Variants in CREB5 observed in about 807,000 individuals in gnomAD.
CREB5 encodes cyclic AMP-responsive element-binding protein 5.
Under a neutral mutation model 57.1 loss-of-function variants are expected in CREB5, and 19 were observed. That is an observed-to-expected ratio of 0.33 (90% CI 0.23 to 0.49). The LOEUF (loss-of-function observed/expected upper bound fraction) is 0.49, where lower values mean the gene tolerates loss of function less well. Ranked by LOEUF, CREB5 falls within the 20% of genes least tolerant of loss-of-function variation. The pLI is 0.99. For missense variants in CREB5, 579 were observed against 671.6 expected (o/e 0.86, Z 1.52); for synonymous variants, 238 against 238.3 (o/e 1.00, Z 0.01).
At chr7:28,507,815 C>T in intron 4 of CREB5, 78 bp downstream of exon 4, 1 of 1,450,502 alleles carries the variant, frequency 6.9e-7, no homozygotes, top group Non-Finnish European at 9.2e-7. Flanking sequence ...CACTGCACTG[C>T]AGATTGTGTT....
chr7:28,771,708 G>A (rs545291074), intron 7 of CREB5, among the ~76,000 whole-genome samples: 82 of 138,302 alleles, frequency 5.9e-4, no homozygotes, highest in Non-Finnish European at 1.1e-3. Flanking sequence ...CTGTATTGAG[G>A]TCCAGACCTG....
At position 28,823,911 on chromosome 7, in the gene CREB5, T is replaced by C. The variant is rs1403152600; in HGVS notation, c.*4632T>C. The C allele has an allele frequency of 2.0e-5, 3 of 152,600 alleles. No homozygotes were observed. The highest frequency in any genetic ancestry group is 2.9e-5 in the Non-Finnish European group (2 of 68,034). The allele number at this position is 152,600 out of a possible 1,614,324, so 9.5% of individuals were successfully genotyped here. On this transcript the variant is annotated 3_prime_UTR_variant, in exon 11 of 11. Coordinates refer to ENST00000357727, the MANE Select transcript of CREB5 (RefSeq NM_182898.4). Reference sequence around the variant, plus strand: ...CCGTGCCTATGCGAACAGTAGCAATTTAGAATCTCTTTTCTGCTTTTAAAA... The same window carrying C: ...CCGTGCCTATGCGAACAGTAGCAATCTAGAATCTCTTTTCTGCTTTTAAAA...
intron 3 of CREB5, among the ~76,000 whole-genome samples, chr7:28,503,339 A>G (rs910145153): frequency 1.7e-4 from 26 of 152,318 alleles, no homozygotes; most frequent in Non-Finnish European, 3.7e-4. Flanking sequence ...GGAATCATTC[A>G]TATCCCTCAC....
chr7:28,458,602 G>C (rs1174676416), intron 1 of CREB5, among the ~76,000 whole-genome samples: 7 of 152,352 alleles, frequency 4.6e-5, no homozygotes, highest in Non-Finnish European at 8.8e-5. Context: ...AGTTACTGTA[G>C]ATGCCATGTA....
intron 5 of CREB5, among the ~76,000 whole-genome samples, chr7:28,577,410 C>G (rs1224414516): frequency 6.6e-6 from 1 of 152,218 alleles, no homozygotes; most frequent in Non-Finnish European, 1.5e-5. Context: ...GGGGTCCTAA[C>G]ATATGAAGTC....
At chr7:28,366,501 A>T (rs915692288) in intron 1 of CREB5, among the ~76,000 whole-genome samples, 2 of 152,214 alleles carry the variant, frequency 1.3e-5, no homozygotes, top group Non-Finnish European at 2.9e-5. Flanking sequence ...TGTCTTTTTA[A>T]AAGATGTCAG....
chr7:28,711,380 C>CA (rs1802391436), intron 5 of CREB5, among the ~76,000 whole-genome samples: 1 of 152,204 alleles, frequency 6.6e-6, no homozygotes, highest in Non-Finnish European at 1.5e-5. Flanking sequence ...ATTGAGTCTG[C>CA]TGGCATTTTG....
intron 1 of CREB5, among the ~76,000 whole-genome samples, chr7:28,364,593 C>T (rs1359280274): frequency 6.6e-6 from 1 of 152,170 alleles, no homozygotes; most frequent in African/African-American, 2.4e-5. Context: ...AGACCCCCTC[C>T]AGTGTTCTTC....
chr7:28,690,450 G>C (rs1051991316), intron 5 of CREB5, among the ~76,000 whole-genome samples: 2 of 152,174 alleles, frequency 1.3e-5, no homozygotes, highest in Admixed American at 1.3e-4. Context: ...TATCAAGCAG[G>C]CATTGCCAGT....
At chr7:28,426,276 A>G (rs1378651771) in intron 1 of CREB5, among the ~76,000 whole-genome samples, 4 of 152,232 alleles carry the variant, frequency 2.6e-5, no homozygotes, top group Admixed American at 2.0e-4. Flanking sequence ...GACCAGTGGG[A>G]CAAAACCAGT....
Position 28,804,503 on chromosome 7 carries a change from A to G in CREB5, c.1007A>G (p.His336Arg). The change falls in exon 8 of 11, where the codon CAC becomes CGC. Residue 336 changes from histidine to arginine, a missense_variant. Physicochemically the swap from His to Arg is conservative, Grantham distance 29. Transcript: ENST00000357727. ...HHQTSPHPPL[H>R]TGNQAQVSPA... ...CAGACCTCGCCACATCCGCCCCTGC[A>G]CACCGGCAACCAAGCACAGGTAGAC... 6.2e-7 allele frequency: 1 copy of G among 1,613,958 alleles called. No individual in the cohort carries two copies.
intron 5 of CREB5, among the ~76,000 whole-genome samples, chr7:28,682,875 C>A (rs1800673482): frequency 6.6e-6 from 1 of 152,168 alleles, no homozygotes; most frequent in African/African-American, 2.4e-5. Flanking sequence ...TGGAAAGAGT[C>A]CAAAAGCATT....
intron 5 of CREB5, among the ~76,000 whole-genome samples, chr7:28,657,120 G>A (rs1488618506): frequency 6.6e-6 from 1 of 152,106 alleles, no homozygotes; most frequent in African/African-American, 2.4e-5. Flanking sequence ...CATCTGCAAG[G>A]CACCAACCCC....
rs1455952013 is a variant in CREB5, at chr7:28,820,580, C to A, written c.*1301C>A. On this transcript the variant is annotated 3_prime_UTR_variant, in exon 11 of 11. Coordinates refer to ENST00000357727, the MANE Select transcript of CREB5 (RefSeq NM_182898.4). Reference sequence around the variant, plus strand: ...CACTCTTTGACTGCTGAAGGAACCCCATGGATGAGGTGCAGGCTACTTCAC... The same window carrying A: ...CACTCTTTGACTGCTGAAGGAACCCAATGGATGAGGTGCAGGCTACTTCAC... 1 of 152,360 alleles carries A rather than the reference C, an allele frequency of 6.6e-6. No homozygotes were observed. Among genetic ancestry groups the A allele is most frequent in the Admixed American group, 6.6e-5 (1 of 15,242 alleles). 9.4% of individuals were successfully genotyped at this position (152,360 alleles called of 1,614,324 possible).
chr7:28,665,075 G>A (rs979032245), intron 5 of CREB5, among the ~76,000 whole-genome samples: 1 of 152,170 alleles, frequency 6.6e-6, no homozygotes, highest in Non-Finnish European at 1.5e-5. Context: ...AAAGACAAAA[G>A]CTGGGAAAGA....
At chr7:28,814,088 C>G (rs906688198) in intron 9 of CREB5, among the ~76,000 whole-genome samples, 1 of 152,210 alleles carries the variant, frequency 6.6e-6, no homozygotes, top group Non-Finnish European at 1.5e-5. Context: ...TATTTCCCTA[C>G]TAGACTTCCA....
rs1269018624 is a variant in CREB5, at chr7:28,804,427, C to A, written c.931C>A (p.His311Asn). Residue 311 changes from histidine to asparagine, a missense_variant, in exon 8 of 11, where the codon CAT becomes AAT. Physicochemically the swap from His to Asn is moderately conservative, Grantham distance 68. Around this residue, in one of 3 missense-constraint regions of CREB5, gnomAD observed 459 missense variants for 515.7 expected, o/e 0.89. Transcript: ENST00000357727. ...CCCTCAACCCCATCACCAGCAGAACCATCCACATCACCACTCCCATTCCCA... is the reference window on the plus strand; with the variant it reads ...CCCTCAACCCCATCACCAGCAGAACAATCCACATCACCACTCCCATTCCCA... ...PHPQPHHQQNHPHHHSHSHLH... is the reference protein window; with the variant it reads ...PHPQPHHQQNNPHHHSHSHLH... The A allele has an allele frequency of 6.2e-7, 1 of 1,613,596 alleles. No homozygotes were observed. Among genetic ancestry groups the A allele is most frequent in the African/African-American group, 1.3e-5 (1 of 74,508 alleles).
chr7:28,573,508 G>A (rs1299056563), intron 5 of CREB5, among the ~76,000 whole-genome samples: 3 of 152,198 alleles, frequency 2.0e-5, no homozygotes, highest in African/African-American at 4.8e-5. Flanking sequence ...CTTGTGCTGC[G>A]GCCAGCGGGT....
chr7:28,709,203 C>CTA (rs1355231899), intron 5 of CREB5, among the ~76,000 whole-genome samples: 1 of 152,168 alleles, frequency 6.6e-6, no homozygotes, highest in Admixed American at 6.5e-5. Flanking sequence ...GAAAAGCCAT[C>CTA]TCTTCATGTC....
Sources: allele counts gnomAD v4.1 joint callset (sites outside exome capture counted in the v4.1 genomes callset), GRCh38; gene constraint gnomAD v4.1.1; regional missense constraint gnomAD v4.1.1; transcripts MANE v1.5; gene names NCBI Gene and HGNC (gene_info 2026-07-23, HGNC 2026-07-21).